CFAP20DC: variants seen among roughly 807,000 people sequenced by gnomAD.
The protein encoded by CFAP20DC is protein CFAP20DC.
In CFAP20DC, 84 loss-of-function variants were observed where a neutral mutation model predicts 101.7. The observed-to-expected ratio is 0.83, with a 90% CI of 0.69 to 0.99. CFAP20DC has a LOEUF of 0.99. Ranked by LOEUF, CFAP20DC falls within the 50% of genes least tolerant of loss-of-function variation. The probability of loss-of-function intolerance (pLI) is 0.00; values close to 1 mark genes in which losing one functional copy is unlikely to be tolerated. For missense variants in CFAP20DC, 1,007 were observed against 970.3 expected (o/e 1.04, Z -0.50); for synonymous variants, 359 against 351.2 (o/e 1.02, Z -0.25).
At chr3:58,749,595 G>A (rs1373993850) in intron 16 of CFAP20DC, among the ~76,000 whole-genome samples, 1 of 152,044 alleles carries the variant, frequency 6.6e-6, no homozygotes, top group African/African-American at 2.4e-5. Context: ...CCATAAAAAA[G>A]GTATAAGAAT....
chr3:58,811,127 G>A (rs533792365), intron 14 of CFAP20DC, among the ~76,000 whole-genome samples: 3 of 152,156 alleles, frequency 2.0e-5, no homozygotes, highest in African/African-American at 7.2e-5. Flanking sequence ...TGGCCATACT[G>A]CCCAAGGTAA....
At chr3:58,983,443 C>G (rs1007841251) in intron 4 of CFAP20DC, among the ~76,000 whole-genome samples, 1 of 151,982 alleles carries the variant, frequency 6.6e-6, no homozygotes, top group African/African-American at 2.4e-5. Flanking sequence ...AGCACGAAAA[C>G]CATACTCAAT....
At chr3:58,725,854 G>T (rs1437798247) in intron 3 of CFAP20DC, 2 of 198,222 alleles carry the variant, frequency 1.0e-5, no homozygotes, top group Non-Finnish European at 2.1e-5. Context: ...GATCCATCTG[G>T]TTTTTATTTT....
intron 4 of CFAP20DC, among the ~76,000 whole-genome samples, chr3:58,992,895 G>A (rs1038461096): frequency 2.0e-5 from 3 of 151,892 alleles, no homozygotes; most frequent in African/African-American, 4.8e-5. Context: ...TTATTTTAAA[G>A]CTTATTTAAA....
In CFAP20DC at chr3:58,882,617, C is replaced by A. The variant is rs112444619; in HGVS notation, c.715+1928G>T. On this transcript the variant is annotated intron_variant, in intron 7 of 16. Transcript: ENST00000482387. The surrounding 1 kb of genome is among the most constrained non-coding windows in gnomAD (Gnocchi z 4.2). The stretch of plus-strand genomic sequence containing the variant: ...ATCTTCCATTCAGATTGAATTGTGA[C>A]CCAAAGTGTTTACAGTAGCTGTCTG... 8.5e-5 allele frequency among the ~76,000 whole-genome samples: 13 copies of A among 152,188 alleles called. No individual in the cohort carries two copies. Among genetic ancestry groups the A allele is most frequent in the African/African-American group, 2.9e-4 (12 of 41,532 alleles).
intron 4 of CFAP20DC, among the ~76,000 whole-genome samples, chr3:58,939,751 C>G (rs542494281): frequency 4.6e-4 from 69 of 148,480 alleles, no homozygotes; most frequent in African/African-American, 1.6e-3. Flanking sequence ...AGTCACCGTG[C>G]CCGGCCCATT....
Position 58,869,310 on chromosome 3 carries a change from T to A in CFAP20DC, c.1015+18A>T. The A allele has an allele frequency of 6.3e-7, 1 of 1,592,526 alleles. No homozygotes were observed. The highest frequency in any genetic ancestry group is 8.6e-7 in the Non-Finnish European group (1 of 1,164,444). On this transcript the variant is annotated intron_variant, in intron 9 of 16. Coordinates refer to ENST00000482387, the MANE Select transcript of CFAP20DC (RefSeq NM_001394063.1). The surrounding 1 kb of genome is among the most constrained non-coding windows in gnomAD (Gnocchi z 4.3). ...TATTTTCACTAGCTATCAATCTTTA[T>A]GCATGATTATTTCTTACCATGAATA...
At chr3:58,878,822 A>AC (rs1457927191) in intron 7 of CFAP20DC, among the ~76,000 whole-genome samples, 1 of 151,982 alleles carries the variant, frequency 6.6e-6, no homozygotes, top group Non-Finnish European at 1.5e-5. Flanking sequence ...CCATCCTGTG[A>AC]ATGGTGAAAC....
At chr3:58,896,984 T>A (rs1324433114) in intron 6 of CFAP20DC, among the ~76,000 whole-genome samples, 1 of 152,160 alleles carries the variant, frequency 6.6e-6, no homozygotes. Flanking sequence ...GTCAGCAGGG[T>A]GTTAAAGTCT....
At chr3:58,992,245 C>T (rs1350984165) in intron 4 of CFAP20DC, among the ~76,000 whole-genome samples, 3 of 152,132 alleles carry the variant, frequency 2.0e-5, no homozygotes, top group Non-Finnish European at 4.4e-5. Flanking sequence ...TGCCTGCCTG[C>T]AAATGTATTA....
chr3:58,890,738 T>C (rs2082146525), intron 6 of CFAP20DC, among the ~76,000 whole-genome samples: 1 of 143,890 alleles, frequency 6.9e-6, no homozygotes, highest in Non-Finnish European at 1.5e-5. Context: ...GCTCCTCACC[T>C]CCCAGACGGG....
At chr3:58,826,278 C>T (rs377683869) in intron 14 of CFAP20DC, among the ~76,000 whole-genome samples, 7 of 151,890 alleles carry the variant, frequency 4.6e-5, no homozygotes, top group South Asian at 2.1e-4. Flanking sequence ...GGAATCTTGA[C>T]GAAAATTATT....
At chr3:58,736,852 A>G (rs1189826927) in intron 3 of CFAP20DC, among the ~76,000 whole-genome samples, 1 of 152,224 alleles carries the variant, frequency 6.6e-6, no homozygotes, top group Non-Finnish European at 1.5e-5. Flanking sequence ...AGAATATGTC[A>G]GCAGTAAAAA....
intron 15 of CFAP20DC, among the ~76,000 whole-genome samples, chr3:58,786,252 T>C (rs939302255): frequency 1.3e-5 from 2 of 152,182 alleles, no homozygotes; most frequent in Non-Finnish European, 2.9e-5. Context: ...AGAAAATTAC[T>C]TGAATGCCTG....
intron 15 of CFAP20DC, among the ~76,000 whole-genome samples, chr3:58,792,126 ATTGT>A (rs993668330): frequency 3.9e-5 from 6 of 152,194 alleles, no homozygotes; most frequent in Admixed American, 2.0e-4. Context: ...GACTATTCTC[ATTGT>A]TTATTTACCC....
chr3:58,911,879 C>T (rs1297489872), intron 6 of CFAP20DC, among the ~76,000 whole-genome samples: 1 of 151,930 alleles, frequency 6.6e-6, no homozygotes, highest in Non-Finnish European at 1.5e-5. Flanking sequence ...CTATAGCAAC[C>T]CGTACAGAAT....
intron 4 of CFAP20DC, among the ~76,000 whole-genome samples, chr3:58,950,000 A>G (rs1159373676): frequency 6.6e-6 from 1 of 152,208 alleles, no homozygotes; most frequent in African/African-American, 2.4e-5. Context: ...TGCAGATGAC[A>G]TGATTGTATA....
chr3:58,749,661 T>C (rs984726677), intron 16 of CFAP20DC, among the ~76,000 whole-genome samples: 1 of 152,168 alleles, frequency 6.6e-6, no homozygotes, highest in Non-Finnish European at 1.5e-5. Flanking sequence ...CCTTTCTTAC[T>C]CAAAATCTAT....
At chr3:58,827,393 A>G (rs962669397) in intron 14 of CFAP20DC, among the ~76,000 whole-genome samples, 1 of 122,126 alleles carries the variant, frequency 8.2e-6, no homozygotes, top group Non-Finnish European at 1.6e-5. Flanking sequence ...GTGTGGCAGG[A>G]GCAGAGTGGC....
Sources: gnomAD v4.1 joint callset for allele counts (sites outside exome capture counted in the v4.1 genomes callset) on GRCh38, gnomAD v4.1.1 for gene constraint, Gnocchi (gnomAD v3.1) non-coding constraint, MANE v1.5 for transcripts, NCBI Gene and HGNC (gene_info 2026-07-23, HGNC 2026-07-21) for gene names.